INO80D: variants seen among roughly 807,000 people sequenced by gnomAD.
INO80D encodes INO80 complex subunit D.
In INO80D, 21 loss-of-function variants were observed where a neutral mutation model predicts 87.6. That is an observed-to-expected ratio of 0.24 (90% CI 0.17 to 0.35). INO80D has a LOEUF of 0.35. Ranked by LOEUF, INO80D falls within the 10% of genes least tolerant of loss-of-function variation. INO80D has a pLI of 1.00. For missense variants in INO80D, 982 were observed against 1,280.7 expected, an observed-to-expected ratio of 0.77 and a Z score of 3.56; for synonymous variants, 440 against 491.0, an observed-to-expected ratio of 0.90 and a Z score of 1.37.
chr2:206,056,127 G>T (rs1251027303), intron 4 of INO80D, 71 bp downstream of exon 4: 2 of 1,436,380 alleles, frequency 1.4e-6, no homozygotes, highest in Non-Finnish European at 1.9e-6. Flanking sequence ...AATTATGAAA[G>T]GGAAGCTCCA....
Position 205,998,503 on chromosome 2 carries a change from G to C in INO80D, c.*5865C>G, listed in dbSNP as rs1459497842. On this transcript the variant is annotated 3_prime_UTR_variant, in exon 11 of 11. Coordinates refer to ENST00000403263, the MANE Select transcript of INO80D (RefSeq NM_017759.5). ...TATATATTTAGCTATTAAACACATA[G>C]GCAACATAATTCATTACACTCGATA... 6.8e-6 allele frequency: 1 copy of C among 146,304 alleles called. No homozygotes were observed. Among genetic ancestry groups the C allele is most frequent in the South Asian group, 2.2e-4 (1 of 4,582 alleles). 9.1% of individuals were successfully genotyped at this position (146,304 alleles called of 1,614,324 possible). A position where few individuals can be genotyped will look rare whatever the true frequency, so the allele number is the denominator to read the frequency against.
At chr2:206,026,982 CATTA>C (rs1688631657) in intron 6 of INO80D, among the ~76,000 whole-genome samples, 2 of 152,062 alleles carry the variant, frequency 1.3e-5, no homozygotes, top group African/African-American at 4.8e-5. Context: ...ATGAGAATGT[CATTA>C]ATTAATAATT....
chr2:206,027,858 A>G (rs541620284), intron 6 of INO80D, among the ~76,000 whole-genome samples: 1 of 152,242 alleles, frequency 6.6e-6, no homozygotes, highest in Non-Finnish European at 1.5e-5. Context: ...GCCAGGTAAC[A>G]TTCTCAAATC....
intron 8 of INO80D, among the ~76,000 whole-genome samples, chr2:206,012,089 G>A (rs77534600): frequency 0.079 from 12,026 of 152,210 alleles, 706 homozygotes; most frequent in Admixed American, 0.19. Flanking sequence ...GTGATGGGAA[G>A]CCATTAGCAG....
intron 5 of INO80D, among the ~76,000 whole-genome samples, chr2:206,034,535 A>C (rs1337352896): frequency 6.6e-6 from 1 of 152,212 alleles, no homozygotes; most frequent in Non-Finnish European, 1.5e-5. Context: ...ATTTGACAAA[A>C]TCCAGCACCT....
Position 206,009,579 on chromosome 2 carries a change from G to T in INO80D, c.1758C>A (p.Ile586=). ...SVSLPVEASH[I]RSPSTPELSA... ...TAGGTGCCAGTGGCACCACTGACCG[G>T]ATGTGAGAGGCCTCCACTGGCAGTG... is the stretch of plus-strand genomic sequence containing the variant. Residue 586 remains isoleucine, a splice_region_variant and synonymous_variant, in exon 9 of 11, where the codon ATC becomes ATA. Coordinates refer to ENST00000403263, the MANE Select transcript of INO80D (RefSeq NM_017759.5). 1 of 1,610,288 alleles carries T rather than the reference G, an allele frequency of 6.2e-7. No homozygotes were observed. Among genetic ancestry groups the T allele is most frequent in the South Asian group, 1.1e-5 (1 of 90,566 alleles).
chr2:206,015,898 A>C (rs2105812172), intron 8 of INO80D, among the ~76,000 whole-genome samples: 1 of 152,262 alleles, frequency 6.6e-6, no homozygotes, highest in Non-Finnish European at 1.5e-5. Flanking sequence ...AAAAAAAAAA[A>C]ATGTATAGAA....
intron 8 of INO80D, 26 bp downstream of exon 8, chr2:206,017,654 T>C (rs751074629): frequency 1.5e-5 from 23 of 1,529,880 alleles, no homozygotes; most frequent in East Asian, 7.2e-5. Flanking sequence ...TACAAAAAGT[T>C]TGAAAGCCTC....
At chr2:206,021,662 G>T (rs994656209) in intron 6 of INO80D, among the ~76,000 whole-genome samples, 2 of 152,154 alleles carry the variant, frequency 1.3e-5, no homozygotes, top group African/African-American at 4.8e-5. Context: ...GCCCAGGCTG[G>T]AGTGCAATGG....
At chr2:206,077,605 T>C (rs1398049413) in intron 1 of INO80D, among the ~76,000 whole-genome samples, 1 of 152,164 alleles carries the variant, frequency 6.6e-6, no homozygotes, top group Non-Finnish European at 1.5e-5. Context: ...TAGTTCCAGT[T>C]AATAATCCTT....
At chr2:206,069,769 A>G (rs1689911732) in intron 1 of INO80D, among the ~76,000 whole-genome samples, 2 of 152,318 alleles carry the variant, frequency 1.3e-5, no homozygotes, top group Non-Finnish European at 1.5e-5. Context: ...TTCCAGACTT[A>G]CAACTACCTA....
intron 5 of INO80D, among the ~76,000 whole-genome samples, chr2:206,030,810 G>A (rs556842948): frequency 1.9e-4 from 29 of 152,254 alleles, no homozygotes; most frequent in African/African-American, 7.0e-4. Flanking sequence ...CAGTAACAGA[G>A]GTGTGCCATG....
chr2:206,069,022 A>G (rs1037013095), intron 1 of INO80D, among the ~76,000 whole-genome samples: 1 of 152,116 alleles, frequency 6.6e-6, no homozygotes, highest in Non-Finnish European at 1.5e-5. Flanking sequence ...CTTTTAATAA[A>G]TGAGTTTATC....
chr2:206,056,072 C>G, intron 4 of INO80D, 126 bp downstream of exon 4: 1 of 886,590 alleles, frequency 1.1e-6, no homozygotes. Flanking sequence ...TCTTTCACTG[C>G]ACCACTCTGC....
chr2:206,065,546 T>C (rs2105894048), intron 1 of INO80D, among the ~76,000 whole-genome samples: 1 of 152,094 alleles, frequency 6.6e-6, no homozygotes, highest in East Asian at 1.9e-4. Context: ...TGGGATTATA[T>C]TAAACTAAAA....
intron 5 of INO80D, among the ~76,000 whole-genome samples, chr2:206,045,730 T>C (rs1200392575): frequency 2.0e-5 from 3 of 149,654 alleles, no homozygotes; most frequent in Non-Finnish European, 4.4e-5. Flanking sequence ...AAAAAAAAAA[T>C]TGTAGCACAG....
rs377213624 is a variant in INO80D at position 206,004,742 on chromosome 2, T to C, written c.2710A>G (p.Ser904Gly). Residue 904 changes from serine to glycine, a missense_variant, in exon 11 of 11, where the codon AGC becomes GGC. Coordinates refer to ENST00000403263, the MANE Select transcript of INO80D (RefSeq NM_017759.5). The surrounding 1 kb of genome is among the most constrained non-coding windows in gnomAD (Gnocchi z 4.9). Reference protein sequence around the residue: ...PVNLGDPSPFSNLLGADGHLL... With the variant: ...PVNLGDPSPFGNLLGADGHLL... ...TGTCCATCTGCGCCGAGAAGGTTGCTAAATGGAGAGGGGTCTCCAAGGTTG... is the reference window on the plus strand; with the variant it reads ...TGTCCATCTGCGCCGAGAAGGTTGCCAAATGGAGAGGGGTCTCCAAGGTTG... 17 of 1,613,740 alleles carry C rather than the reference T, an allele frequency of 1.1e-5. No homozygotes were observed. In the South Asian group the frequency reaches 1.9e-4, roughly 18 times the overall value.
chr2:206,026,522 G>T (rs949137988), intron 6 of INO80D, among the ~76,000 whole-genome samples: 2 of 151,050 alleles, frequency 1.3e-5, no homozygotes, highest in African/African-American at 4.9e-5. Context: ...CTCCAGCCTG[G>T]GTGACAGGGC....
Position 206,003,975 on chromosome 2 carries a change from A to G in INO80D, c.*393T>C. 1 of 226,186 alleles carries G rather than the reference A, an allele frequency of 4.4e-6. No homozygotes were observed. 14.0% of individuals were successfully genotyped at this position (226,186 alleles called of 1,614,324 possible). A position where few individuals can be genotyped will look rare whatever the true frequency, so the allele number is the denominator to read the frequency against. ...GGAACTCAATTAATAAGATCATTCT[A>G]TCTAGAACCACCTATGTAAAAACCT... On this transcript the variant is annotated 3_prime_UTR_variant, in exon 11 of 11. Coordinates refer to ENST00000403263, the MANE Select transcript of INO80D (RefSeq NM_017759.5).
Sources: allele counts gnomAD v4.1 joint callset (sites outside exome capture counted in the v4.1 genomes callset), GRCh38; gene constraint gnomAD v4.1.1; non-coding constraint Gnocchi (gnomAD v3.1); transcripts MANE v1.5; gene names NCBI Gene and HGNC (gene_info 2026-07-23, HGNC 2026-07-21).